GRID2: variants seen among roughly 807,000 people sequenced by gnomAD.
GRID2 encodes the protein glutamate ionotropic receptor delta type subunit 2, also known as glutamate receptor ionotropic, delta-2.
In GRID2, 33 loss-of-function variants were observed where a neutral mutation model predicts 114.8. That is an observed-to-expected ratio of 0.29 (90% CI 0.22 to 0.38). The LOEUF is 0.38. GRID2 is among the 10% of genes least tolerant of loss of function. The pLI, the probability that GRID2 is intolerant of heterozygous loss-of-function variation, is 1.00. For missense variants in GRID2, 1,184 were observed against 1,257.7 expected, an observed-to-expected ratio of 0.94 and a Z score of 0.89; for synonymous variants, 505 against 449.9, an observed-to-expected ratio of 1.12 and a Z score of -1.55.
intron 1 of GRID2, among the ~76,000 whole-genome samples, chr4:92,359,805 T>G (rs1232669282): frequency 6.6e-6 from 1 of 151,986 alleles, no homozygotes; most frequent in Non-Finnish European, 1.5e-5. Flanking sequence ...CTTTAAAAGC[T>G]TGCCAAAACA....
intron 8 of GRID2, among the ~76,000 whole-genome samples, chr4:93,312,748 G>A (rs925679870): frequency 6.6e-6 from 1 of 152,136 alleles, no homozygotes; most frequent in Non-Finnish European, 1.5e-5. Context: ...TTGGAATTTT[G>A]ATGAATATAA....
chr4:92,969,516 C>T (rs1217337990), intron 2 of GRID2, among the ~76,000 whole-genome samples: 2 of 151,746 alleles, frequency 1.3e-5, no homozygotes, highest in African/African-American at 2.4e-5. Flanking sequence ...GGAATTACAA[C>T]TGATAATCAT....
intron 13 of GRID2, among the ~76,000 whole-genome samples, chr4:93,560,253 A>AAAAAAC: frequency 7.2e-6 from 1 of 139,732 alleles, no homozygotes; most frequent in Non-Finnish European, 1.6e-5. Context: ...AAAAAAAAAA[A>AAAAAAC]CAGAAAGAAA....
At chr4:93,582,381 C>G (rs1263723043) in intron 13 of GRID2, among the ~76,000 whole-genome samples, 1 of 152,136 alleles carries the variant, frequency 6.6e-6, no homozygotes, top group East Asian at 1.9e-4. Context: ...AATTCTCACC[C>G]TAATCATATT....
At chr4:93,077,179 T>C (rs2149312859) in intron 2 of GRID2, among the ~76,000 whole-genome samples, 1 of 152,284 alleles carries the variant, frequency 6.6e-6, no homozygotes, top group South Asian at 2.1e-4. Context: ...AAAAGAATAG[T>C]TTTGAGAAAC....
intron 14 of GRID2, among the ~76,000 whole-genome samples, chr4:93,720,470 A>G (rs1729256229): frequency 6.6e-6 from 1 of 152,202 alleles, no homozygotes; most frequent in African/African-American, 2.4e-5. Flanking sequence ...ATATTTCACG[A>G]AACAGTCAGG....
chr4:93,563,694 G>A (rs905864751), intron 13 of GRID2, among the ~76,000 whole-genome samples: 1 of 151,936 alleles, frequency 6.6e-6, no homozygotes, highest in Non-Finnish European at 1.5e-5. Flanking sequence ...AAGGAAAAGT[G>A]GCCATGAAGT....
intron 2 of GRID2, among the ~76,000 whole-genome samples, chr4:92,774,225 G>C (rs942729267): frequency 1.3e-5 from 2 of 152,086 alleles, no homozygotes; most frequent in Non-Finnish European, 2.9e-5. Context: ...AGGGACAGGG[G>C]TGAGGCATGG....
At chr4:93,011,585 A>G (rs1722175472) in intron 2 of GRID2, among the ~76,000 whole-genome samples, 1 of 152,124 alleles carries the variant, frequency 6.6e-6, no homozygotes, top group Admixed American at 6.6e-5. Flanking sequence ...AGATTGCAAG[A>G]ATTTAAAAGC....
At chr4:93,613,597 G>A (rs1250051064) in intron 13 of GRID2, among the ~76,000 whole-genome samples, 1 of 107,014 alleles carries the variant, frequency 9.3e-6, no homozygotes, top group Non-Finnish European at 2.1e-5. Flanking sequence ...TGCCCCTGCT[G>A]GGGGGTGCCT....
At chr4:92,913,807 C>T (rs559816184) in intron 2 of GRID2, among the ~76,000 whole-genome samples, 3 of 151,560 alleles carry the variant, frequency 2.0e-5, no homozygotes, top group Admixed American at 2.0e-4. Context: ...ATACCAGAGA[C>T]AATAAATAAA....
chr4:92,607,073 T>C (rs1352694050), intron 2 of GRID2, among the ~76,000 whole-genome samples: 1 of 152,022 alleles, frequency 6.6e-6, no homozygotes, highest in Non-Finnish European at 1.5e-5. Flanking sequence ...CACAGCATAG[T>C]TGAGTGTCTG....
At chr4:92,868,770 T>C (rs1180067859) in intron 2 of GRID2, among the ~76,000 whole-genome samples, 2 of 152,068 alleles carry the variant, frequency 1.3e-5, no homozygotes, top group African/African-American at 4.8e-5. Context: ...AAACACCCTA[T>C]TAATTTCATG....
intron 1 of GRID2, among the ~76,000 whole-genome samples, chr4:92,425,006 C>T (rs1732089713): frequency 6.6e-6 from 1 of 151,814 alleles, no homozygotes. Flanking sequence ...TGTTATTAAA[C>T]ATTTTTAAGG....
chr4:93,739,117 G>C (rs1223558539), intron 14 of GRID2, among the ~76,000 whole-genome samples: 1 of 152,098 alleles, frequency 6.6e-6, no homozygotes, highest in African/African-American at 2.4e-5. Context: ...AAGGGGCACA[G>C]CTTCTTTGCT....
chr4:93,032,266 C>T (rs1183783332), intron 2 of GRID2, among the ~76,000 whole-genome samples: 1 of 151,896 alleles, frequency 6.6e-6, no homozygotes, highest in African/African-American at 2.4e-5. Context: ...AGGGCCAAAA[C>T]CAAAGGATGA....
chr4:93,281,878 A>T (rs1056722439), intron 8 of GRID2, among the ~76,000 whole-genome samples: 11 of 152,016 alleles, frequency 7.2e-5, no homozygotes, highest in Admixed American at 2.0e-4. Context: ...CCTCTAGAAA[A>T]TTAACAGTCT....
rs114238778 is a variant in GRID2, at chr4:92,472,634, G to A, written c.89-117497G>A. Among the ~76,000 whole-genome samples, 1,503 of 152,192 alleles carry A rather than the reference G, an allele frequency of 9.9e-3. 23 individuals are homozygous for A. The highest frequency in any genetic ancestry group is 0.035 in the African/African-American group (1,438 of 41,530). ...TTTTAGACATTATTGTAGGTGCATAGGGATGTCTCGCTGTGGGTTCAATTT... is the reference window on the plus strand; with the variant it reads ...TTTTAGACATTATTGTAGGTGCATAAGGATGTCTCGCTGTGGGTTCAATTT... On this transcript the variant is annotated intron_variant, in intron 1 of 15. Transcript: ENST00000282020.
At chr4:92,891,805 C>T (rs778409799) in intron 2 of GRID2, among the ~76,000 whole-genome samples, 7 of 152,092 alleles carry the variant, frequency 4.6e-5, no homozygotes, top group Non-Finnish European at 1.0e-4. Flanking sequence ...TTGAGTCACA[C>T]TTGCACATAT....
Sources: allele counts gnomAD v4.1 joint callset (sites outside exome capture counted in the v4.1 genomes callset), GRCh38; gene constraint gnomAD v4.1.1; transcripts MANE v1.5; gene names NCBI Gene and HGNC (gene_info 2026-07-23, HGNC 2026-07-21).